LRRC37A2: variants seen among roughly 807,000 people sequenced by gnomAD.
LRRC37A2 encodes leucine-rich repeat-containing protein 37A2.
Under a neutral mutation model 68.8 loss-of-function variants are expected in LRRC37A2, and 9 were observed. The observed-to-expected ratio is 0.13, with a 90% CI of 0.08 to 0.23. The LOEUF is 0.23. Among genes scored for constraint, LRRC37A2 ranks in the 10% least tolerant of loss-of-function variants. LRRC37A2 has a pLI of 1.00. For synonymous variants in LRRC37A2, 63 were observed against 367.6 expected (o/e 0.17, Z 9.48); for missense variants, 168 against 950.4 (o/e 0.18, Z 10.82).
At chr17:46,724,802 C>T in the LRRC37A2 span, among the ~76,000 whole-genome samples, 1 of 152,072 alleles carries the variant, frequency 6.6e-6, no homozygotes, top group African/African-American at 2.4e-5. Context: ...GGCAGCACTC[C>T]AAGACTCAAT....
the LRRC37A2 span, among the ~76,000 whole-genome samples, chr17:46,979,589 C>T: frequency 6.6e-6 from 1 of 152,124 alleles, no homozygotes; most frequent in African/African-American, 2.4e-5. Flanking sequence ...CCTCGTAAGC[C>T]TTGCTAGACA....
At chr17:46,804,919 A>G in the LRRC37A2 span, among the ~76,000 whole-genome samples, 2 of 57,426 alleles carry the variant, frequency 3.5e-5, no homozygotes, top group Non-Finnish European at 7.5e-5. Flanking sequence ...CTCCCCGCCC[A>G]CCCCCCCCAC....
chr17:46,532,876 G>A (rs960079753), intron 6 of LRRC37A2, among the ~76,000 whole-genome samples: 1 of 148,956 alleles, frequency 6.7e-6, no homozygotes, highest in African/African-American at 2.6e-5. Flanking sequence ...TGCGGTGGGA[G>A]GATTGCTTGA....
chr17:46,766,134 C>G, the LRRC37A2 span, among the ~76,000 whole-genome samples: 1 of 152,146 alleles, frequency 6.6e-6, no homozygotes, highest in Non-Finnish European at 1.5e-5. Flanking sequence ...TCTGGCCGGG[C>G]GCGGTGGCTC....
At chr17:46,743,607 C>T in the LRRC37A2 span, among the ~76,000 whole-genome samples, 30 of 152,238 alleles carry the variant, frequency 2.0e-4, no homozygotes, top group African/African-American at 7.2e-4. Context: ...CCATTGCTTT[C>T]TGCCAGCCCT....
the LRRC37A2 span, among the ~76,000 whole-genome samples, chr17:46,856,692 C>T: frequency 3.3e-5 from 5 of 152,216 alleles, no homozygotes; most frequent in South Asian, 1.0e-3. Flanking sequence ...CCATGTTGGC[C>T]AAGCAGGTCT....
the LRRC37A2 span, among the ~76,000 whole-genome samples, chr17:46,499,546 T>C: frequency 8.2e-6 from 1 of 121,402 alleles, no homozygotes; most frequent in South Asian, 2.5e-4. Flanking sequence ...CAGATAATTG[T>C]TTTAGTTGCT....
the LRRC37A2 span, among the ~76,000 whole-genome samples, chr17:46,860,603 A>G: frequency 2.0e-5 from 3 of 152,234 alleles, no homozygotes; most frequent in Admixed American, 2.0e-4. Context: ...GAATGTATAT[A>G]TAGGTATTCA....
the LRRC37A2 span, among the ~76,000 whole-genome samples, chr17:46,835,557 G>T: frequency 1.3e-5 from 2 of 152,096 alleles, no homozygotes; most frequent in Admixed American, 6.5e-5. Flanking sequence ...AATCTCTTAG[G>T]TCCACCCTCA....
chr17:46,818,647 G>A, the LRRC37A2 span: 1 of 1,498,576 alleles, frequency 6.7e-7, no homozygotes, highest in Non-Finnish European at 9.1e-7. Flanking sequence ...AAGAGGGGGA[G>A]CGACGCCCCC....
the LRRC37A2 span, among the ~76,000 whole-genome samples, chr17:46,809,666 A>G: frequency 4.6e-5 from 7 of 151,930 alleles, no homozygotes; most frequent in Non-Finnish European, 1.0e-4. Context: ...ACATCTTCCC[A>G]TGTGTCCCTG....
chr17:46,976,554 C>T, the LRRC37A2 span, among the ~76,000 whole-genome samples: 1 of 151,960 alleles, frequency 6.6e-6, no homozygotes, highest in African/African-American at 2.4e-5. Flanking sequence ...CTCAAACAAA[C>T]AAACAAAAAA....
chr17:46,779,705 G>T, the LRRC37A2 span, among the ~76,000 whole-genome samples: 1 of 152,222 alleles, frequency 6.6e-6, no homozygotes, highest in Non-Finnish European at 1.5e-5. Context: ...GATAACGCCT[G>T]CTGTGGCCAG....
the LRRC37A2 span, among the ~76,000 whole-genome samples, chr17:46,712,357 C>T: frequency 6.6e-6 from 1 of 152,172 alleles, no homozygotes; most frequent in Non-Finnish European, 1.5e-5. Flanking sequence ...AGGGTAGATG[C>T]TGCTGTTGTC....
At chr17:46,980,666 CAA>C in the LRRC37A2 span, among the ~76,000 whole-genome samples, 88 of 83,882 alleles carry the variant, frequency 1.0e-3, 3 homozygotes, top group African/African-American at 2.7e-3. Context: ...ACTAAAAATA[CAA>C]AAAAAAAAAA....
chr17:46,890,106 G>A, the LRRC37A2 span, among the ~76,000 whole-genome samples: 3 of 152,170 alleles, frequency 2.0e-5, no homozygotes, highest in African/African-American at 7.2e-5. Flanking sequence ...TCTGCTCTAT[G>A]TCTTTTGTCC....
At chr17:46,960,356 G>A in the LRRC37A2 span, among the ~76,000 whole-genome samples, 7 of 152,326 alleles carry the variant, frequency 4.6e-5, no homozygotes, top group African/African-American at 9.6e-5. Flanking sequence ...ACAATATCAA[G>A]TGCTGACGAG....
the LRRC37A2 span, chr17:47,048,947 T>C: frequency 2.7e-6 from 1 of 367,090 alleles, no homozygotes; most frequent in Non-Finnish European, 5.0e-6. Flanking sequence ...TGGGGATCAA[T>C]GAAATAATCC....
At chr17:46,883,074 G>T in the LRRC37A2 span, among the ~76,000 whole-genome samples, 4 of 151,886 alleles carry the variant, frequency 2.6e-5, no homozygotes, top group African/African-American at 9.7e-5. Flanking sequence ...CGCCTCCCAG[G>T]TTCATGCCAT....
Sources: gnomAD v4.1 joint callset for allele counts (sites outside exome capture counted in the v4.1 genomes callset) on GRCh38, gnomAD v4.1.1 for gene constraint, MANE v1.5 for transcripts, NCBI Gene and HGNC (gene_info 2026-07-23, HGNC 2026-07-21) for gene names.